Variants in MAGI2 observed in about 807,000 individuals in gnomAD.
MAGI2 encodes the protein membrane-associated guanylate kinase, WW and PDZ domain-containing protein 2.
MAGI2 carries 35 observed loss-of-function variants against 133.3 expected under a neutral mutation model. That is an observed-to-expected ratio of 0.26 (90% CI 0.20 to 0.35). MAGI2 has a LOEUF of 0.35. Among genes scored for constraint, MAGI2 ranks in the 10% least tolerant of loss-of-function variants. The pLI is 1.00. For synonymous variants in MAGI2, 729 were observed against 710.6 expected (o/e 1.03, Z -0.41); for missense variants, 1,636 against 1,863.4 (o/e 0.88, Z 2.25).
chr7:78,358,734 G>T, intron 7 of MAGI2: 1 of 211,914 alleles, frequency 4.7e-6, no homozygotes, highest in South Asian at 6.7e-5. Context: ...GCCACCATGG[G>T]GGAGAAGAGG....
chr7:78,372,204 T>A (rs1793989337), intron 6 of MAGI2, among the ~76,000 whole-genome samples: 1 of 151,990 alleles, frequency 6.6e-6, no homozygotes, highest in Non-Finnish European at 1.5e-5. Flanking sequence ...CTTTCACAAG[T>A]TTTTCTTCAC....
chr7:78,704,778 CT>C lies in MAGI2; in HGVS notation c.419-77540del, dbSNP rs762077849. ...ATGGAAGGAGCAGGAGGCCATTATT[CT>C]TTTTTTTTTTTTTTTTTCTGAAACG... is the stretch of plus-strand genomic sequence containing the variant. On this transcript the variant is annotated intron_variant, in intron 2 of 21. Transcript: ENST00000354212. 1.7e-3 allele frequency among the ~76,000 whole-genome samples: 80 copies of C among 47,362 alleles called. 1 individual carries two copies. The highest frequency in any genetic ancestry group is 0.012 in the Middle Eastern group (1 of 84). 31.1% of individuals were successfully genotyped at this position (47,362 alleles called of 152,430 possible).
intron 10 of MAGI2, among the ~76,000 whole-genome samples, chr7:78,232,419 T>C (rs184178120): frequency 6.6e-6 from 1 of 152,230 alleles, no homozygotes; most frequent in South Asian, 2.1e-4. Flanking sequence ...TGTTTTACAA[T>C]ACATGTGAGC....
At chr7:78,100,647 C>A (rs1286865073) in intron 20 of MAGI2, among the ~76,000 whole-genome samples, 1 of 152,196 alleles carries the variant, frequency 6.6e-6, no homozygotes, top group African/African-American at 2.4e-5. Flanking sequence ...CTACTGCACC[C>A]AGCCAAGGGC....
At chr7:79,136,008 A>G (rs13243502) in intron 1 of MAGI2, among the ~76,000 whole-genome samples, 54 of 121,326 alleles carry the variant, frequency 4.5e-4, no homozygotes, top group East Asian at 1.2e-3. Flanking sequence ...AGAAAGAGAA[A>G]GAAAGAAAGA....
intron 2 of MAGI2, among the ~76,000 whole-genome samples, chr7:78,836,322 A>T (rs984266975): frequency 1.3e-5 from 2 of 152,210 alleles, no homozygotes; most frequent in Admixed American, 1.3e-4. Flanking sequence ...CTCTTAGTCC[A>T]ATGTTTTTCT....
intron 2 of MAGI2, among the ~76,000 whole-genome samples, chr7:78,866,822 CT>C (rs1224580820): frequency 6.6e-6 from 1 of 152,086 alleles, no homozygotes; most frequent in Non-Finnish European, 1.5e-5. Flanking sequence ...CCAGAAACTC[CT>C]TTTTCACTTC....
intron 1 of MAGI2, among the ~76,000 whole-genome samples, chr7:79,123,576 A>C (rs1048426868): frequency 2.0e-5 from 3 of 152,014 alleles, no homozygotes; most frequent in African/African-American, 7.2e-5. Context: ...ACCTGAGATC[A>C]GGAGTTTGAG....
intron 6 of MAGI2, among the ~76,000 whole-genome samples, chr7:78,379,361 T>C (rs553716594): frequency 4.9e-4 from 74 of 151,870 alleles, no homozygotes; most frequent in Non-Finnish European, 1.0e-3. Flanking sequence ...AAAATAAAGT[T>C]TGGGCAAAGA....
intron 1 of MAGI2, among the ~76,000 whole-genome samples, chr7:79,355,938 T>C (rs1311008047): frequency 6.6e-6 from 1 of 152,222 alleles, no homozygotes; most frequent in Non-Finnish European, 1.5e-5. Context: ...TCTTTATGTA[T>C]AATCATGCCA....
intron 2 of MAGI2, among the ~76,000 whole-genome samples, chr7:78,914,932 G>A (rs923669773): frequency 3.9e-5 from 6 of 152,030 alleles, no homozygotes; most frequent in Non-Finnish European, 8.8e-5. Context: ...TATTTCCTTG[G>A]AAACTATCAG....
At chr7:78,803,159 T>G (rs1444698700) in intron 2 of MAGI2, among the ~76,000 whole-genome samples, 2 of 152,198 alleles carry the variant, frequency 1.3e-5, no homozygotes, top group African/African-American at 4.8e-5. Flanking sequence ...CCTTTTGTCC[T>G]AAATTAAACA....
chr7:79,292,466 A>T (rs1041034958), intron 1 of MAGI2, among the ~76,000 whole-genome samples: 2 of 151,578 alleles, frequency 1.3e-5, no homozygotes, highest in African/African-American at 4.9e-5. Context: ...TACCAAAAAA[A>T]ATAAAAAAAT....
intron 1 of MAGI2, among the ~76,000 whole-genome samples, chr7:79,026,950 A>T (rs938476486): frequency 6.6e-6 from 1 of 152,172 alleles, no homozygotes; most frequent in Non-Finnish European, 1.5e-5. Context: ...ACCAAAAGAC[A>T]TATTTAAAAA....
intron 3 of MAGI2, among the ~76,000 whole-genome samples, chr7:78,588,520 G>C (rs570186783): frequency 6.6e-6 from 1 of 152,286 alleles, no homozygotes; most frequent in East Asian, 1.9e-4. Context: ...GAGAGTGAAG[G>C]CTGCCAAGTC....
At chr7:78,315,181 G>C (rs1012804646) in intron 9 of MAGI2, among the ~76,000 whole-genome samples, 2 of 152,086 alleles carry the variant, frequency 1.3e-5, no homozygotes, top group Non-Finnish European at 2.9e-5. Flanking sequence ...CTCCCACTTG[G>C]AATTAAGTGT....
intron 13 of MAGI2, among the ~76,000 whole-genome samples, chr7:78,181,452 C>T (rs1260924619): frequency 2.6e-5 from 4 of 152,068 alleles, no homozygotes; most frequent in Admixed American, 1.3e-4. Flanking sequence ...GCACTTTTTG[C>T]AGAACTGTCA....
At chr7:79,161,917 G>C (rs1824398107) in intron 1 of MAGI2, among the ~76,000 whole-genome samples, 1 of 152,060 alleles carries the variant, frequency 6.6e-6, no homozygotes, top group Non-Finnish European at 1.5e-5. Flanking sequence ...TTTAAATAAA[G>C]TTCCAGCAAA....
intron 1 of MAGI2, among the ~76,000 whole-genome samples, chr7:79,433,290 G>A (rs1273375256): frequency 6.6e-6 from 1 of 152,106 alleles, no homozygotes; most frequent in Non-Finnish European, 1.5e-5. Context: ...GGTGGCTCAG[G>A]CCTGTAATCC....
Sources: allele counts gnomAD v4.1 joint callset (sites outside exome capture counted in the v4.1 genomes callset), GRCh38; gene constraint gnomAD v4.1.1; transcripts MANE v1.5; gene names NCBI Gene and HGNC (gene_info 2026-07-23, HGNC 2026-07-21).